ESR2: variants seen among roughly 807,000 people sequenced by gnomAD.
ESR2 encodes estrogen receptor beta.
ESR2 carries 36 observed loss-of-function variants against 49.6 expected under a neutral mutation model. That is an observed-to-expected ratio of 0.73 (90% CI 0.56 to 0.96). The LOEUF is 0.96. ESR2 is among the 40% of genes least tolerant of loss of function. ESR2 has a pLI of 0.00. For synonymous variants in ESR2, 320 were observed against 266.1 expected, an observed-to-expected ratio of 1.20 and a Z score of -1.97; for missense variants, 714 against 693.0, an observed-to-expected ratio of 1.03 and a Z score of -0.34.
chr14:64,281,679 C>T (rs1015164041), intron 2 of ESR2, among the ~76,000 whole-genome samples: 3 of 152,114 alleles, frequency 2.0e-5, no homozygotes, highest in African/African-American at 7.2e-5. Flanking sequence ...TCCCTTCATA[C>T]CTATGATTAT....
Position 64,256,761 on chromosome 14 carries a change from C to A in ESR2, c.1091+465G>T, listed in dbSNP as rs372494981. On this transcript the variant is annotated intron_variant, in intron 6 of 8. Coordinates refer to ENST00000341099, the MANE Select transcript of ESR2 (RefSeq NM_001437.3). ...AAACAAAAAACAAAACAAAACAAAA[C>A]AAAAAAAAACAAAAGAGTGAGTTAA... Among the ~76,000 whole-genome samples, 486 of 149,060 alleles carry A rather than the reference C, an allele frequency of 3.3e-3. 5 individuals are homozygous for A. Among genetic ancestry groups the A allele is most frequent in the African/African-American group, 0.01 (424 of 40,488 alleles).
At chr14:64,295,087 G>C (rs8008187), upstream of ESR2, among the ~76,000 whole-genome samples, 923 of 152,324 alleles carry the variant, frequency 6.1e-3, 12 homozygotes, top group African/African-American at 0.021. Flanking sequence ...ACCCACCCCA[G>C]CAGGAGCCCC....
At chr14:64,270,888 T>C (rs936129522) in intron 3 of ESR2, among the ~76,000 whole-genome samples, 2 of 152,214 alleles carry the variant, frequency 1.3e-5, no homozygotes, top group African/African-American at 4.8e-5. Context: ...CATGAATCTC[T>C]CATGTTGCAA....
In ESR2 at chr14:64,233,306, T is replaced by G. The variant is rs751875571; in HGVS notation, c.1424A>C (p.His475Pro). The G allele has an allele frequency of 6.2e-7, 1 of 1,613,682 alleles. No homozygotes were observed. The part of the protein sequence containing the change: ...VRHASNKGME[H>P]LLNMKCKNVV... ...ATTTTTGCACTTCATGTTGAGCAGA[T>G]GTTCCATGCCCTTGTTACTATGGGG... Residue 475 changes from histidine to proline, a missense_variant, in exon 9 of 9, where the codon CAT becomes CCT. Coordinates refer to ENST00000341099, the MANE Select transcript of ESR2 (RefSeq NM_001437.3).
At chr14:64,299,521 G>A (rs545202513) in intron 1 of ESR2, among the ~76,000 whole-genome samples, 7 of 150,284 alleles carry the variant, frequency 4.7e-5, no homozygotes, top group East Asian at 2.0e-4. Context: ...CACCACACCC[G>A]GCTAATTTTT....
exon 1 of ESR2, chr14:64,338,019 T>A (rs2077552999): frequency 6.5e-6 from 1 of 154,052 alleles, no homozygotes; most frequent in South Asian, 2.1e-4. Flanking sequence ...GCCGCCGCCC[T>A]GTCAGGCTTC....
intron 3 of ESR2, among the ~76,000 whole-genome samples, chr14:64,274,422 T>A (rs2076515407): frequency 6.6e-6 from 1 of 152,216 alleles, no homozygotes; most frequent in Non-Finnish European, 1.5e-5. Context: ...CCTATAATGA[T>A]CCTTTAGATT....
intron 1 of ESR2, among the ~76,000 whole-genome samples, chr14:64,301,770 G>A (rs556854533): frequency 6.6e-6 from 1 of 152,242 alleles, no homozygotes; most frequent in Admixed American, 6.5e-5. Context: ...AATGGGAATA[G>A]CACAAGAAGC....
chr14:64,328,334 A>G (rs2077414420), intron 1 of ESR2, among the ~76,000 whole-genome samples: 1 of 152,104 alleles, frequency 6.6e-6, no homozygotes, highest in African/African-American at 2.4e-5. Context: ...CAGGAGAATC[A>G]CTTGAACCTG....
rs35524660 is a variant in ESR2, at chr14:64,330,429, C to CAA, written c.-91+7467_-91+7468dup. The CAA allele has an allele frequency of 5.3e-3, 736 of 140,020 alleles. 9 individuals are homozygous for CAA. Among genetic ancestry groups the CAA allele is most frequent in the African/African-American group, 0.016 (602 of 37,956 alleles). 8.7% of individuals were successfully genotyped at this position (140,020 alleles called of 1,614,324 possible). A position where few individuals can be genotyped will look rare whatever the true frequency, so the allele number is the denominator to read the frequency against. On this transcript the variant is annotated intron_variant, in intron 1 of 8. Coordinates refer to the ESR2 transcript ENST00000358599. The stretch of plus-strand genomic sequence containing the variant: ...GGACAACAAGAGCGAAACTCCATCT[C>CAA]AAAAAAAAAAAAAAGAAAGAAATTG...
intron 1 of ESR2, among the ~76,000 whole-genome samples, chr14:64,292,071 A>C (rs2076880599): frequency 6.6e-6 from 1 of 152,188 alleles, no homozygotes; most frequent in African/African-American, 2.4e-5. Context: ...TAAGAACTAA[A>C]TCTATTAGCC....
chr14:64,308,637 A>G (rs1385682115), intron 1 of ESR2, among the ~76,000 whole-genome samples: 3 of 152,192 alleles, frequency 2.0e-5, no homozygotes, highest in Admixed American at 2.0e-4. Context: ...AAAAATGTGT[A>G]TTCTGCTATT....
intron 1 of ESR2, among the ~76,000 whole-genome samples, chr14:64,314,618 C>G (rs2077229348): frequency 6.6e-6 from 1 of 151,938 alleles, no homozygotes; most frequent in Admixed American, 6.6e-5. Context: ...TGGCTCACAC[C>G]TGTAATCCCA....
intron 1 of ESR2, among the ~76,000 whole-genome samples, chr14:64,331,458 T>C (rs2077457101): frequency 6.6e-6 from 1 of 152,142 alleles, no homozygotes; most frequent in Non-Finnish European, 1.5e-5. Context: ...GTCCTGGGCC[T>C]AAATATCTCA....
At chr14:64,268,203 A>G (rs992440170) in intron 4 of ESR2, among the ~76,000 whole-genome samples, 9 of 152,226 alleles carry the variant, frequency 5.9e-5, no homozygotes, top group African/African-American at 2.2e-4. Context: ...TATGTATGTG[A>G]ATATGTTAAA....
intron 3 of ESR2, among the ~76,000 whole-genome samples, chr14:64,271,311 A>G (rs1256041): frequency 0.65 from 98,841 of 151,194 alleles, 33,842 homozygotes; most frequent in African/African-American, 0.88. Flanking sequence ...TTATCCCCAC[A>G]AGTTCAATTG....
At chr14:64,244,258 G>A (rs1285789650) in intron 7 of ESR2, among the ~76,000 whole-genome samples, 10 of 152,154 alleles carry the variant, frequency 6.6e-5, no homozygotes, top group African/African-American at 2.2e-4. Flanking sequence ...AAATTAGCCA[G>A]GCGTGGTGGC....
chr14:64,289,658 T>C (rs181450350), intron 1 of ESR2, among the ~76,000 whole-genome samples: 3 of 152,238 alleles, frequency 2.0e-5, no homozygotes, highest in Admixed American at 6.5e-5. Flanking sequence ...CAAGTTACAA[T>C]GTCTTTATGG....
intron 7 of ESR2, 34 bp downstream of exon 7, chr14:64,249,512 C>T (rs775455013): frequency 2.2e-5 from 35 of 1,604,314 alleles, no homozygotes; most frequent in East Asian, 6.7e-5. Flanking sequence ...CATCTCTCCC[C>T]GATAAAACAT....
Sources: gnomAD v4.1 joint callset for allele counts (sites outside exome capture counted in the v4.1 genomes callset) on GRCh38, gnomAD v4.1.1 for gene constraint, MANE v1.5 for transcripts, NCBI Gene and HGNC (gene_info 2026-07-23, HGNC 2026-07-21) for gene names.